Variants in BLNK observed in about 807,000 individuals in gnomAD.
BLNK encodes the protein B-cell linker protein.
In BLNK, 29 loss-of-function variants were observed where a neutral mutation model predicts 73.5. That is an observed-to-expected ratio of 0.39 (90% CI 0.29 to 0.54). The LOEUF is 0.54. BLNK is among the 20% of genes least tolerant of loss of function. BLNK has a pLI of 0.61. For missense variants in BLNK, 460 were observed against 562.8 expected (o/e 0.82, Z 1.85); for synonymous variants, 176 against 200.8 (o/e 0.88, Z 1.04).
At position 96,249,666 on chromosome 10, in the gene BLNK, A is replaced by G. The variant is rs374425115; in HGVS notation, c.48-2617T>C. Among the ~76,000 whole-genome samples the G allele has an allele frequency of 2.5e-4, 38 of 152,228 alleles. No individual in the cohort carries two copies. The East Asian group carries it at 7.0e-3, about 28-fold the overall frequency. ...CTAGAGTGCTGAAGAGCGCAGACAA[A>G]CCTGAGGGATTTTCAGTGGTGGGGG... On this transcript the variant is annotated intron_variant, in intron 1 of 16. Transcript: ENST00000224337.
rs190248385 is a variant in BLNK at position 96,201,845 on chromosome 10, C to T, written c.935-787G>A. On this transcript the variant is annotated intron_variant, in intron 13 of 16. Transcript: ENST00000224337. ...CAAAACAGCAAAATGCCCTGCTCTC[C>T]TGGAACTTAAATTTTAATGGATTGA... 2.0e-5 allele frequency among the ~76,000 whole-genome samples: 3 copies of T among 152,232 alleles called. No individual in the cohort carries two copies. In the East Asian group the frequency reaches 5.8e-4, roughly 29 times the overall value.
At chr10:96,245,445 G>GTAT (rs1352840095) in intron 2 of BLNK, among the ~76,000 whole-genome samples, 1 of 152,118 alleles carries the variant, frequency 6.6e-6, no homozygotes, top group Non-Finnish European at 1.5e-5. Flanking sequence ...ATTTATTAAA[G>GTAT]TATTATTCAT....
chr10:96,227,308 C>T, intron 5 of BLNK, 102 bp downstream of exon 5: 7 of 1,492,218 alleles, frequency 4.7e-6, no homozygotes, highest in South Asian at 1.3e-5. Context: ...TGGCAGAGGC[C>T]CTCAAGCAGC....
At position 96,189,226 on chromosome 10, in the gene BLNK, T is replaced by A. The variant is rs2083292630; in HGVS notation, c.*2747A>T. On this transcript the variant is annotated 3_prime_UTR_variant, in exon 17 of 17. Coordinates refer to ENST00000224337, the MANE Select transcript of BLNK (RefSeq NM_013314.4). ...ATTTTGGACAACACATTCTTGGCAA[T>A]GGAACCTGGACAACATTTATTAAAC... The A allele has an allele frequency of 2.7e-6, 1 of 368,714 alleles. No homozygotes were observed. Among genetic ancestry groups the A allele is most frequent in the Non-Finnish European group, 5.1e-6 (1 of 196,392 alleles). 22.8% of individuals were successfully genotyped at this position (368,714 alleles called of 1,614,324 possible). A position where few individuals can be genotyped will look rare whatever the true frequency, so the allele number is the denominator to read the frequency against.
intron 15 of BLNK, chr10:96,199,861 TAA>T: frequency 3.7e-6 from 1 of 270,254 alleles, no homozygotes. Context: ...CCGTCTCTAC[TAA>T]AAATACAAAA....
chr10:96,207,572 A>G (rs1446773120), intron 10 of BLNK, among the ~76,000 whole-genome samples: 1 of 152,158 alleles, frequency 6.6e-6, no homozygotes, highest in Non-Finnish European at 1.5e-5. Flanking sequence ...TGTGGTGGGG[A>G]GTGGACACAG....
chr10:96,247,095 C>CT (rs782017263), intron 1 of BLNK, 46 bp from the exon 2 acceptor site: 26 of 1,407,176 alleles, frequency 1.8e-5, no homozygotes, highest in South Asian at 5.1e-5. Context: ...ACCAGTCTGA[C>CT]TTTTTAAAAA....
At chr10:96,257,465 G>A (rs186447132) in intron 1 of BLNK, among the ~76,000 whole-genome samples, 1 of 152,336 alleles carries the variant, frequency 6.6e-6, no homozygotes, top group Non-Finnish European at 1.5e-5. Context: ...TCAGCTGTGC[G>A]AAAGGACCAA....
At chr10:96,194,802 G>T (rs1216328928) in intron 16 of BLNK, among the ~76,000 whole-genome samples, 2 of 123,672 alleles carry the variant, frequency 1.6e-5, no homozygotes, top group South Asian at 2.6e-4. Context: ...ACGGAGTCTC[G>T]CTCTGTCGCC....
intron 6 of BLNK, among the ~76,000 whole-genome samples, chr10:96,220,908 G>A (rs1351304036): frequency 1.3e-5 from 2 of 152,176 alleles, no homozygotes; most frequent in Non-Finnish European, 2.9e-5. Context: ...AAAAATAGGA[G>A]TAGCGTGAAT....
intron 8 of BLNK, among the ~76,000 whole-genome samples, chr10:96,214,529 C>T (rs2084019800): frequency 6.6e-6 from 1 of 151,946 alleles, no homozygotes; most frequent in African/African-American, 2.4e-5. Context: ...GTGGTCACAG[C>T]TAAAATGGAA....
intron 3 of BLNK, among the ~76,000 whole-genome samples, chr10:96,236,137 AC>A (rs1214193758): frequency 6.6e-6 from 1 of 152,110 alleles, no homozygotes; most frequent in African/African-American, 2.4e-5. Flanking sequence ...CAATAGGAGC[AC>A]CAGAGCCCCT....
chr10:96,269,436 A>T (rs1419230112), intron 1 of BLNK, among the ~76,000 whole-genome samples: 5 of 150,864 alleles, frequency 3.3e-5, no homozygotes, highest in African/African-American at 2.4e-5. Flanking sequence ...AAAAAAAAAC[A>T]TTTGGAATCC....
At chr10:96,261,346 A>C (rs1254424132) in intron 1 of BLNK, among the ~76,000 whole-genome samples, 2 of 152,176 alleles carry the variant, frequency 1.3e-5, no homozygotes, top group Non-Finnish European at 2.9e-5. Flanking sequence ...AATCACCACC[A>C]CTGCCTAGTT....
At chr10:96,212,660 A>G (rs2083976141) in intron 8 of BLNK, among the ~76,000 whole-genome samples, 3 of 152,192 alleles carry the variant, frequency 2.0e-5, no homozygotes, top group Admixed American at 2.0e-4. Flanking sequence ...TTGGCTATCA[A>G]AGGACCAAGA....
At chr10:96,207,805 TA>T in intron 10 of BLNK, 66 bp downstream of exon 10, 1 of 1,584,196 alleles carries the variant, frequency 6.3e-7, no homozygotes, top group African/African-American at 1.3e-5. Flanking sequence ...TTTTCAACTT[TA>T]AATAAATGGA....
intron 10 of BLNK, among the ~76,000 whole-genome samples, chr10:96,207,394 C>A (rs183230329): frequency 3.3e-5 from 5 of 152,218 alleles, no homozygotes; most frequent in Non-Finnish European, 5.9e-5. Context: ...CATGACCCCC[C>A]CCTTCTGTGT....
Position 96,191,736 on chromosome 10 carries a change from T to G in BLNK, c.*237A>C. 1 of 428,436 alleles carries G rather than the reference T, an allele frequency of 2.3e-6. No homozygotes were observed. The allele number at this position is 428,436 out of a possible 1,614,324, so 26.5% of individuals were successfully genotyped here. ...ATAAAAATATTTATTTGGAAAATAT[T>G]AGTAGCATGATAACTCAACCTCACC... On this transcript the variant is annotated 3_prime_UTR_variant, in exon 17 of 17. Coordinates refer to ENST00000224337, the MANE Select transcript of BLNK (RefSeq NM_013314.4).
At chr10:96,227,806 G>A (rs1474742241) in intron 4 of BLNK, among the ~76,000 whole-genome samples, 1 of 152,178 alleles carries the variant, frequency 6.6e-6, no homozygotes, top group African/African-American at 2.4e-5. Context: ...ACTACTTAAC[G>A]CTAATGGGAG....
Sources: allele counts gnomAD v4.1 joint callset (sites outside exome capture counted in the v4.1 genomes callset), GRCh38; gene constraint gnomAD v4.1.1; transcripts MANE v1.5; gene names NCBI Gene and HGNC (gene_info 2026-07-23, HGNC 2026-07-21).